Variants in ANK3 observed in about 807,000 individuals in gnomAD.
ANK3 encodes ankyrin-3.
Under a neutral mutation model 370.9 loss-of-function variants are expected in ANK3, and 57 were observed. The observed-to-expected ratio is 0.15, with a 90% CI of 0.12 to 0.19. The LOEUF (loss-of-function observed/expected upper bound fraction) is 0.19. ANK3 is among the 10% of genes least tolerant of loss of function. The probability of loss-of-function intolerance (pLI) is 1.00; values close to 1 mark genes in which losing one functional copy is unlikely to be tolerated. For missense variants in ANK3, 4,439 were observed against 5,302.1 expected, an observed-to-expected ratio of 0.84 and a Z score of 5.06; for synonymous variants, 1,929 against 1,946.3, an observed-to-expected ratio of 0.99 and a Z score of 0.23.
chr10:60,272,223 T>C (rs79920459), intron 4 of ANK3, among the ~76,000 whole-genome samples: 13,418 of 151,854 alleles, frequency 0.088, 786 homozygotes, highest in South Asian at 0.17. Flanking sequence ...ATTATCCTCA[T>C]CATATTGCTA....
At chr10:60,682,011 C>A (rs1159751458) in intron 1 of ANK3, among the ~76,000 whole-genome samples, 1 of 151,992 alleles carries the variant, frequency 6.6e-6, no homozygotes, top group East Asian at 1.9e-4. Context: ...ATTAGCTGGG[C>A]ATGATGGTAC....
At chr10:60,146,151 A>G (rs1462025731) in intron 23 of ANK3, 1 of 1,308,378 alleles carries the variant, frequency 7.6e-7, no homozygotes, top group Non-Finnish European at 1.0e-6. Context: ...TGCCATGTAG[A>G]TACGAAGATG....
intron 2 of ANK3, among the ~76,000 whole-genome samples, chr10:60,403,471 A>T (rs1460693564): frequency 2.6e-5 from 4 of 152,246 alleles, no homozygotes. Flanking sequence ...AGCAAAATCA[A>T]ATTTAATAAA....
At chr10:60,663,097 G>A (rs978211789) in intron 1 of ANK3, among the ~76,000 whole-genome samples, 6 of 152,158 alleles carry the variant, frequency 3.9e-5, no homozygotes. Context: ...CCCCCAAAAT[G>A]AGCAATTCAC....
At chr10:60,552,012 C>G (rs2077099052) in intron 2 of ANK3, among the ~76,000 whole-genome samples, 1 of 152,144 alleles carries the variant, frequency 6.6e-6, no homozygotes, top group South Asian at 2.1e-4. Flanking sequence ...CTCAAAGGAT[C>G]TTTGTTTGTT....
chr10:60,480,971 A>G (rs1452295294), intron 2 of ANK3, among the ~76,000 whole-genome samples: 3 of 152,200 alleles, frequency 2.0e-5, no homozygotes, highest in East Asian at 1.9e-4. Flanking sequence ...TTCATGAACT[A>G]GACTGCCAGT....
chr10:60,731,880 C>A (rs1589091407), intron 1 of ANK3, among the ~76,000 whole-genome samples: 1 of 152,184 alleles, frequency 6.6e-6, no homozygotes, highest in East Asian at 1.9e-4. Flanking sequence ...CAAAATTAGA[C>A]AACCCACACT....
At chr10:60,350,886 G>GTGCCCA (rs1366301316) in intron 1 of ANK3, among the ~76,000 whole-genome samples, 25 of 152,028 alleles carry the variant, frequency 1.6e-4, no homozygotes, top group Non-Finnish European at 3.1e-4. Flanking sequence ...ATACTTCCCA[G>GTGCCCA]GGCCACTGAC....
chr10:60,578,713 C>T (rs1487891560), intron 2 of ANK3, among the ~76,000 whole-genome samples: 4 of 152,096 alleles, frequency 2.6e-5, no homozygotes, highest in Non-Finnish European at 5.9e-5. Context: ...TCTTTATTAT[C>T]AAATATCCAT....
At chr10:60,290,993 T>C (rs2041245789) in intron 1 of ANK3, among the ~76,000 whole-genome samples, 1 of 152,034 alleles carries the variant, frequency 6.6e-6, no homozygotes, top group South Asian at 2.1e-4. Flanking sequence ...AAGGAGGATC[T>C]AGAATTCAGG....
intron 2 of ANK3, among the ~76,000 whole-genome samples, chr10:60,480,276 C>T (rs1051160668): frequency 5.9e-5 from 9 of 152,030 alleles, no homozygotes; most frequent in Admixed American, 6.6e-5. Flanking sequence ...ATTAGGTTTA[C>T]AAGTAGGGAT....
chr10:60,506,365 G>A (rs937903382), intron 2 of ANK3, among the ~76,000 whole-genome samples: 1 of 152,016 alleles, frequency 6.6e-6, no homozygotes, highest in African/African-American at 2.4e-5. Flanking sequence ...AGCTTACCTG[G>A]GAATAACAAC....
At chr10:60,351,125 C>T (rs2056776916) in intron 1 of ANK3, among the ~76,000 whole-genome samples, 1 of 152,028 alleles carries the variant, frequency 6.6e-6, no homozygotes, top group Admixed American at 6.6e-5. Context: ...TCAGTGCTTC[C>T]AATAGTTACT....
At chr10:60,171,331 T>C (rs1011217074) in intron 21 of ANK3, among the ~76,000 whole-genome samples, 3 of 152,202 alleles carry the variant, frequency 2.0e-5, no homozygotes, top group Non-Finnish European at 4.4e-5. Context: ...AGACTAAGAA[T>C]TATACATTGA....
chr10:60,236,999 T>G (rs2097343761), intron 7 of ANK3, among the ~76,000 whole-genome samples: 2 of 152,246 alleles, frequency 1.3e-5, no homozygotes, highest in African/African-American at 4.8e-5. Context: ...TGCGCTGGAT[T>G]TGGCCTGTGG....
intron 2 of ANK3, among the ~76,000 whole-genome samples, chr10:60,555,828 C>T (rs7077453): frequency 0.012 from 1,863 of 152,276 alleles, 43 homozygotes; most frequent in African/African-American, 0.042. Flanking sequence ...GGAATTTTCC[C>T]GTGTTGTCTG....
chr10:60,501,940 T>G (rs2075811115), intron 2 of ANK3, among the ~76,000 whole-genome samples: 1 of 152,114 alleles, frequency 6.6e-6, no homozygotes, highest in Non-Finnish European at 1.5e-5. Context: ...GAGCTATGAT[T>G]GCACCACTGC....
chr10:60,610,364 T>G (rs756444918), intron 2 of ANK3, among the ~76,000 whole-genome samples: 1 of 151,940 alleles, frequency 6.6e-6, no homozygotes, highest in Non-Finnish European at 1.5e-5. Context: ...ATACCAAAAA[T>G]TAGCTGGGTG....
chr10:60,289,719 C>G (rs1172377966), intron 1 of ANK3, among the ~76,000 whole-genome samples: 2 of 152,148 alleles, frequency 1.3e-5, no homozygotes, highest in African/African-American at 2.4e-5. Flanking sequence ...TAGCCAGAAA[C>G]TAAAGATGAG....
Sources: allele counts gnomAD v4.1 joint callset (sites outside exome capture counted in the v4.1 genomes callset), GRCh38; gene constraint gnomAD v4.1.1; transcripts MANE v1.5; gene names NCBI Gene and HGNC (gene_info 2026-07-23, HGNC 2026-07-21).